The following ROBO1 variants were observed in gnomAD, a reference collection of about 807,000 sequenced individuals.
ROBO1 encodes roundabout homolog 1.
ROBO1 carries 149 observed loss-of-function variants against 195.9 expected under a neutral mutation model. The observed-to-expected ratio is 0.76, with a 90% CI of 0.67 to 0.87. The LOEUF is 0.87. ROBO1 is among the 40% of genes least tolerant of loss of function. The probability of loss-of-function intolerance (pLI) is 0.00; values close to 1 mark genes in which losing one functional copy is unlikely to be tolerated. For missense variants in ROBO1, 1,933 were observed against 2,068.3 expected (o/e 0.93, Z 1.27); for synonymous variants, 816 against 733.2 (o/e 1.11, Z -1.82).
intron 2 of ROBO1, among the ~76,000 whole-genome samples, chr3:79,334,973 C>T (rs1357486086): frequency 1.3e-5 from 2 of 151,978 alleles, no homozygotes; most frequent in African/African-American, 4.8e-5. Context: ...ATTAATTAGC[C>T]AGGCATGTTG....
chr3:79,740,493 G>A (rs1217547321), intron 1 of ROBO1, among the ~76,000 whole-genome samples: 3 of 151,930 alleles, frequency 2.0e-5, no homozygotes, highest in Non-Finnish European at 4.4e-5. Context: ...TCACAGTTCC[G>A]CATGGCTGGG....
At chr3:79,180,473 T>C (rs542282366) in intron 2 of ROBO1, among the ~76,000 whole-genome samples, 5 of 152,306 alleles carry the variant, frequency 3.3e-5, no homozygotes, top group African/African-American at 1.2e-4. Flanking sequence ...CATAGGCATA[T>C]GTACTTTTCC....
chr3:79,591,129 A>G (rs1467898025), intron 1 of ROBO1, among the ~76,000 whole-genome samples: 1 of 151,870 alleles, frequency 6.6e-6, no homozygotes, highest in Non-Finnish European at 1.5e-5. Context: ...TAATCTTTTA[A>G]CAATAGTTTT....
rs35020571 is a variant in ROBO1, at chr3:79,564,035, T to TAAAA, written c.88+25785_88+25788dup. On this transcript the variant is annotated intron_variant, in intron 2 of 30. Coordinates refer to ENST00000464233, the MANE Select transcript of ROBO1 (RefSeq NM_002941.4). ...CTTTTTTATGTGTAAATGGTAAAAT[T>TAAAA]AAAAAAAAAACATAATGAAAGGTGG... is the stretch of plus-strand genomic sequence containing the variant. Among the ~76,000 whole-genome samples, 210 of 148,098 alleles carry TAAAA rather than the reference T, an allele frequency of 1.4e-3. 5 individuals carry two copies. Among genetic ancestry groups the TAAAA allele is most frequent in the East Asian group, 0.014 (69 of 5,078 alleles).
intron 4 of ROBO1, among the ~76,000 whole-genome samples, chr3:78,885,909 TTATATATATATATATATA>T (rs10651992): frequency 4.2e-5 from 5 of 117,752 alleles, no homozygotes; most frequent in Admixed American, 8.9e-5. Context: ...TAGCAAAATT[TTATATATATATATATATA>T]TATATATATA....
intron 1 of ROBO1, among the ~76,000 whole-genome samples, chr3:79,600,359 G>A (rs1944303918): frequency 6.6e-6 from 1 of 152,002 alleles, no homozygotes; most frequent in African/African-American, 2.4e-5. Flanking sequence ...TTTGGTCGAA[G>A]AGAAGTTAAA....
chr3:78,948,868 C>T (rs983235646), intron 3 of ROBO1, among the ~76,000 whole-genome samples: 5 of 152,122 alleles, frequency 3.3e-5, no homozygotes, highest in African/African-American at 1.2e-4. Flanking sequence ...ACGCCAATAA[C>T]AGACAAACAG....
Position 78,750,509 on chromosome 3 carries a change from A to T in ROBO1, c.500-3609T>A, listed in dbSNP as rs918391267. Among the ~76,000 whole-genome samples the T allele has an allele frequency of 7.3e-5, 11 of 150,792 alleles. No individual in the cohort carries two copies. The East Asian group carries it at 1.4e-3, about 19-fold the overall frequency. On this transcript the variant is annotated intron_variant, in intron 4 of 30. Coordinates refer to ENST00000464233, the MANE Select transcript of ROBO1 (RefSeq NM_002941.4). The stretch of plus-strand genomic sequence containing the variant: ...AATAAATAAATAAATAAAATAAAAT[A>T]AAAAAGTTCACTAATTGTACAAAAC...
rs146632162 is a variant in ROBO1, at chr3:78,744,961, T to C, written c.657+1782A>G. ...TTTGTCTGTATACGCACTCATAAAATGTAAGCTCCAGCAGAACACTCACTG... is the reference window on the plus strand; with the variant it reads ...TTTGTCTGTATACGCACTCATAAAACGTAAGCTCCAGCAGAACACTCACTG... On this transcript the variant is annotated intron_variant, in intron 5 of 30. Coordinates refer to ENST00000464233, the MANE Select transcript of ROBO1 (RefSeq NM_002941.4). Among the ~76,000 whole-genome samples the C allele has an allele frequency of 6.6e-3, 999 of 152,278 alleles. 21 individuals are homozygous for C. The highest frequency in any genetic ancestry group is 0.022 in the African/African-American group (935 of 41,560).
At chr3:78,902,711 CAGGCACCT>C (rs1390475441) in intron 4 of ROBO1, among the ~76,000 whole-genome samples, 1 of 151,974 alleles carries the variant, frequency 6.6e-6, no homozygotes, top group Non-Finnish European at 1.5e-5. Flanking sequence ...GGTGTGGTGG[CAGGCACCT>C]GTAATCCCAG....
chr3:78,750,155 A>T (rs547457446), intron 4 of ROBO1, among the ~76,000 whole-genome samples: 2 of 151,864 alleles, frequency 1.3e-5, no homozygotes, highest in African/African-American at 4.8e-5. Flanking sequence ...TTTTTTCTTT[A>T]AAAAAAAGTG....
intron 1 of ROBO1, among the ~76,000 whole-genome samples, chr3:79,733,004 C>T (rs748474568): frequency 1.3e-5 from 2 of 152,084 alleles, no homozygotes; most frequent in East Asian, 1.9e-4. Flanking sequence ...TCATCTATAC[C>T]GCCATAGCAG....
chr3:79,733,906 C>T (rs1679804143), intron 1 of ROBO1, among the ~76,000 whole-genome samples: 2 of 151,704 alleles, frequency 1.3e-5, no homozygotes, highest in Non-Finnish European at 2.9e-5. Flanking sequence ...TGGCTTATTA[C>T]CTTATGATAA....
chr3:78,799,016 T>C (rs2084272145), intron 4 of ROBO1, among the ~76,000 whole-genome samples: 1 of 152,126 alleles, frequency 6.6e-6, no homozygotes, highest in Non-Finnish European at 1.5e-5. Context: ...AAGAATCAGC[T>C]TGGATGATTT....
At chr3:79,092,040 G>C (rs1205543161) in intron 3 of ROBO1, among the ~76,000 whole-genome samples, 3 of 152,104 alleles carry the variant, frequency 2.0e-5, no homozygotes, top group Admixed American at 6.6e-5. Flanking sequence ...GGGGGCAAAT[G>C]CCAATAGAGG....
intron 2 of ROBO1, among the ~76,000 whole-genome samples, chr3:79,521,496 A>T (rs1941207706): frequency 6.6e-6 from 1 of 152,162 alleles, no homozygotes; most frequent in Non-Finnish European, 1.5e-5. Context: ...GATCTAATTC[A>T]GATGAAAAAT....
At position 78,746,745 on chromosome 3, in the gene ROBO1, T is replaced by A; in HGVS notation, c.655A>T (p.Thr219Ser). The stretch of plus-strand genomic sequence containing the variant: ...CTGCTGTTGAATTAAATACTCACAG[T>A]TATTCTTTCATCTTTATCATCCAGT... ...SPLDDKDERI[T>S]IRGGKLMITY... is the part of the protein sequence containing the mutation. The change falls in exon 5 of 31, where the codon ACT becomes TCT. Residue 219 changes from threonine (T) to serine (S), a missense_variant and splice_region_variant. By Grantham distance (58) the Thr-to-Ser change is moderately conservative. Around this residue, in one of 3 missense-constraint regions of ROBO1, gnomAD observed 1,737 missense variants for 1,882.5 expected, o/e 0.92. Coordinates refer to ENST00000464233, the MANE Select transcript of ROBO1 (RefSeq NM_002941.4). 6.6e-7 allele frequency: 1 copy of A among 1,513,204 alleles called. No individual in the cohort carries two copies. Among genetic ancestry groups the A allele is most frequent in the Non-Finnish European group, 9.0e-7 (1 of 1,117,128 alleles). The allele number at this position is 1,513,204 out of a possible 1,614,324, so 93.7% of individuals were successfully genotyped here. A position where few individuals can be genotyped will look rare whatever the true frequency, so the allele number is the denominator to read the frequency against.
chr3:79,215,664 C>T (rs576101533), intron 2 of ROBO1, among the ~76,000 whole-genome samples: 5 of 152,320 alleles, frequency 3.3e-5, no homozygotes, highest in African/African-American at 1.2e-4. Flanking sequence ...TATTTGCATA[C>T]ATAGAAATTA....
intron 2 of ROBO1, among the ~76,000 whole-genome samples, chr3:79,125,904 A>C (rs759607981): frequency 3.1e-4 from 47 of 152,014 alleles, no homozygotes; most frequent in Non-Finnish European, 6.2e-4. Context: ...TAGCATTGCT[A>C]ATTTTCTACC....
Sources: gnomAD v4.1 joint callset for allele counts (sites outside exome capture counted in the v4.1 genomes callset) on GRCh38, gnomAD v4.1.1 for gene constraint, gnomAD v4.1.1 regional missense constraint, MANE v1.5 for transcripts, NCBI Gene and HGNC (gene_info 2026-07-23, HGNC 2026-07-21) for gene names.